The following COP1 variants were observed in gnomAD, a reference collection of about 807,000 sequenced individuals.
The protein encoded by COP1 is COP1 E3 ubiquitin ligase, also known as E3 ubiquitin-protein ligase COP1.
A neutral mutation model predicts 101.3 loss-of-function variants in COP1; 24 were observed. The ratio of observed to expected loss-of-function variants is 0.24; its 90% CI spans 0.17 to 0.33. The LOEUF (loss-of-function observed/expected upper bound fraction) is 0.33, where lower values mean the gene tolerates loss of function less well. COP1 is among the 10% of genes least tolerant of loss of function. COP1 has a pLI of 1.00. For synonymous variants in COP1, 347 were observed against 341.9 expected (o/e 1.01, Z -0.17); for missense variants, 663 against 906.2 (o/e 0.73, Z 3.45).
chr1:176,075,733 G>A (rs372818735), intron 11 of COP1, among the ~76,000 whole-genome samples: 6 of 152,044 alleles, frequency 3.9e-5, no homozygotes, highest in Non-Finnish European at 7.4e-5. Context: ...GGCTGGGTGC[G>A]GTGGCTCATG....
chr1:175,957,551 C>T (rs1057343336), intron 18 of COP1, among the ~76,000 whole-genome samples: 3 of 152,198 alleles, frequency 2.0e-5, no homozygotes, highest in African/African-American at 7.2e-5. Context: ...CACCTAATGG[C>T]ATTTCTCAAA....
chr1:176,168,502 A>AGGG (rs1415546278), intron 3 of COP1, among the ~76,000 whole-genome samples: 2 of 106,520 alleles, frequency 1.9e-5, no homozygotes, highest in South Asian at 3.8e-4. Flanking sequence ...GGGAAGAAGG[A>AGGG]AGGGAGGGAG....
rs113700633 is a variant in COP1, at chr1:176,119,402, CA to C, written c.969-2722del. On this transcript the variant is annotated intron_variant, in intron 8 of 19. Transcript: ENST00000367669. ...TAAAAAATGAATGATATTGATATCT[CA>C]GTGTATACAGTGATATAATTCTACA... 9.1e-3 allele frequency among the ~76,000 whole-genome samples: 1,382 copies of C among 152,146 alleles called. 22 individuals carry two copies. Among genetic ancestry groups the C allele is most frequent in the African/African-American group, 0.031 (1,288 of 41,506 alleles).
At chr1:175,996,885 T>C (rs1660291737) in intron 15 of COP1, among the ~76,000 whole-genome samples, 2 of 151,938 alleles carry the variant, frequency 1.3e-5, no homozygotes, top group African/African-American at 4.8e-5. Flanking sequence ...CTTCACAGAA[T>C]TGGAAAAAAC....
intron 11 of COP1, among the ~76,000 whole-genome samples, chr1:176,067,618 A>C (rs966423111): frequency 1.3e-5 from 2 of 151,942 alleles, no homozygotes; most frequent in Admixed American, 6.6e-5. Context: ...CCTCTCCATC[A>C]ACCTCCCTAA....
At chr1:176,009,450 G>T (rs1011865293) in intron 15 of COP1, among the ~76,000 whole-genome samples, 16 of 152,128 alleles carry the variant, frequency 1.1e-4, no homozygotes, top group Admixed American at 1.0e-3. Context: ...TACAAAAGGG[G>T]TGTAATATGT....
chr1:175,991,096 T>C lies in COP1; in HGVS notation c.1730-1617A>G, dbSNP rs143810723. On this transcript the variant is annotated intron_variant, in intron 15 of 19. Coordinates refer to ENST00000367669, the MANE Select transcript of COP1 (RefSeq NM_022457.7). Reference sequence around the variant, plus strand: ...CATTGGAGCATTTCAGATTTTGGATTTGAGATGCTGAACAGTAAGTACAAT... The same window carrying C: ...CATTGGAGCATTTCAGATTTTGGATCTGAGATGCTGAACAGTAAGTACAAT... Among the ~76,000 whole-genome samples the C allele has an allele frequency of 2.6e-3, 398 of 152,176 alleles. 3 individuals carry two copies. Among genetic ancestry groups the C allele is most frequent in the African/African-American group, 9.1e-3 (379 of 41,538 alleles).
intron 18 of COP1, among the ~76,000 whole-genome samples, chr1:175,955,427 AG>A (rs1464263429): frequency 6.6e-6 from 1 of 152,152 alleles, no homozygotes; most frequent in Admixed American, 6.5e-5. Flanking sequence ...CTCTCAGACT[AG>A]GAACAAGGTG....
chr1:175,955,255 AG>A (rs1309630713), intron 18 of COP1, among the ~76,000 whole-genome samples: 7 of 152,048 alleles, frequency 4.6e-5, no homozygotes, highest in African/African-American at 1.7e-4. Flanking sequence ...AACAAAAAAA[AG>A]AAAAAGTAAT....
At chr1:176,179,996 T>C (rs1697532091) in intron 2 of COP1, among the ~76,000 whole-genome samples, 1 of 152,170 alleles carries the variant, frequency 6.6e-6, no homozygotes, top group African/African-American at 2.4e-5. Context: ...TACCACTGTA[T>C]ACAACTTAAG....
intron 18 of COP1, among the ~76,000 whole-genome samples, chr1:175,949,759 C>T (rs899963231): frequency 6.6e-5 from 10 of 152,116 alleles, no homozygotes; most frequent in Admixed American, 4.6e-4. Context: ...AATTTAAAGC[C>T]GAAAGCTCCA....
At chr1:176,057,414 C>T (rs1320219142) in intron 11 of COP1, among the ~76,000 whole-genome samples, 6 of 152,192 alleles carry the variant, frequency 3.9e-5, no homozygotes, top group Non-Finnish European at 8.8e-5. Flanking sequence ...GCTGCCATCT[C>T]GGCTCACTGC....
rs1329655862 is a variant in COP1, at chr1:176,151,318, AGAAGGAAAGAAAGAAAGAAG to A, written c.763-2264_763-2245del. Among the ~76,000 whole-genome samples, 1,082 of 144,616 alleles carry A rather than the reference AGAAGGAAAGAAAGAAAGAAG, an allele frequency of 7.5e-3. 15 individuals are homozygous for A. Among genetic ancestry groups the A allele is most frequent in the South Asian group, 0.041 (188 of 4,578 alleles). 94.9% of individuals were successfully genotyped at this position (144,616 alleles called of 152,430 possible). A position where few individuals can be genotyped will look rare whatever the true frequency, so the allele number is the denominator to read the frequency against. On this transcript the variant is annotated intron_variant, in intron 5 of 19. Transcript: ENST00000367669. ...AGAAAGAAAGAAAGGAGAGAAAGAA[AGAAGGAAAGAAAGAAAGAAG>A]GAAGGAAAGAAAGAAAAAGAAAGAA... is the stretch of plus-strand genomic sequence containing the variant.
intron 14 of COP1, among the ~76,000 whole-genome samples, chr1:176,042,511 C>T (rs1427324869): frequency 1.4e-4 from 20 of 139,274 alleles, no homozygotes; most frequent in African/African-American, 5.1e-4. Context: ...TGCAGTGAGC[C>T]GAGATCACCC....
chr1:176,121,383 T>C (rs1255109575), intron 8 of COP1, among the ~76,000 whole-genome samples: 3 of 152,194 alleles, frequency 2.0e-5, no homozygotes, highest in Non-Finnish European at 4.4e-5. Flanking sequence ...CCTTTAACAT[T>C]TGACACAAGT....
chr1:175,988,172 C>T, intron 17 of COP1, 116 bp downstream of exon 17: 1 of 948,932 alleles, frequency 1.1e-6, no homozygotes, highest in Non-Finnish European at 1.6e-6. Context: ...GTCTATTATA[C>T]TATCTTCTGA....
At chr1:176,157,870 T>TAG (rs2149898191) in intron 5 of COP1, among the ~76,000 whole-genome samples, 1 of 152,202 alleles carries the variant, frequency 6.6e-6, no homozygotes, top group Admixed American at 6.5e-5. Context: ...CAAAATGCAC[T>TAG]AGAAAGATGA....
chr1:175,997,167 A>C lies in COP1; in HGVS notation c.1730-7688T>G, dbSNP rs1289109718. 1.6e-3 allele frequency among the ~76,000 whole-genome samples: 245 copies of C among 150,482 alleles called. 1 individual carries two copies. Among genetic ancestry groups the C allele is most frequent in the African/African-American group, 5.7e-3 (235 of 41,180 alleles). ...ATGGGGAAAGGATTCCCTATTTAAT[A>C]AATGGTGCTGGGAAAACTGGCTAGC... On this transcript the variant is annotated intron_variant, in intron 15 of 19. Transcript: ENST00000367669.
chr1:176,134,970 T>TA, intron 8 of COP1, 40 bp downstream of exon 8: 1 of 1,448,838 alleles, frequency 6.9e-7, no homozygotes, highest in Non-Finnish European at 9.7e-7. Context: ...GCATACTTTG[T>TA]AATATGAATT....
Sources: gnomAD v4.1 joint callset for allele counts (sites outside exome capture counted in the v4.1 genomes callset) on GRCh38, gnomAD v4.1.1 for gene constraint, MANE v1.5 for transcripts, NCBI Gene and HGNC (gene_info 2026-07-23, HGNC 2026-07-21) for gene names.